The following CTBP2 variants were observed in gnomAD, a reference collection of about 807,000 sequenced individuals.
CTBP2 encodes C-terminal-binding protein 2.
CTBP2 carries 30 observed loss-of-function variants against 80.3 expected under a neutral mutation model. The ratio of observed to expected loss-of-function variants is 0.37; its 90% CI spans 0.28 to 0.51. The LOEUF (loss-of-function observed/expected upper bound fraction) is 0.51. Among genes scored for constraint, CTBP2 ranks in the 20% least tolerant of loss-of-function variants. CTBP2 has a pLI of 0.93. For missense variants in CTBP2, 1,212 were observed against 1,375.3 expected (o/e 0.88, Z 1.88); for synonymous variants, 594 against 587.4 (o/e 1.01, Z -0.16).
intron 2 of CTBP2, among the ~76,000 whole-genome samples, chr10:125,098,708 C>CAGAGAGACAG (rs1850045103): frequency 1.5e-5 from 1 of 65,698 alleles, no homozygotes; most frequent in African/African-American, 7.0e-5. Flanking sequence ...GAGAGAGAGA[C>CAGAGAGACAG]AGAGAGAGAG....
chr10:125,051,495 C>A (rs564514876), intron 2 of CTBP2, among the ~76,000 whole-genome samples: 1 of 152,150 alleles, frequency 6.6e-6, no homozygotes, highest in South Asian at 2.1e-4. Flanking sequence ...CAAAAATTAG[C>A]CAGGTGTGGT....
intron 1 of CTBP2, among the ~76,000 whole-genome samples, chr10:125,159,402 C>CG (rs1033064456): frequency 2.3e-4 from 33 of 144,602 alleles, no homozygotes; most frequent in African/African-American, 7.7e-4. Flanking sequence ...AGGAAATGCC[C>CG]GGCCCGCCCG....
At position 125,026,132 on chromosome 10, in the gene CTBP2, C is replaced by A. The variant is rs373653230; in HGVS notation, c.1628G>T (p.Arg543Leu). Residue 543 changes from arginine to leucine, a missense_variant, in exon 1 of 9, where the codon CGG becomes CTG. Physicochemically the swap from Arg to Leu is moderately radical, Grantham distance 102 (BLOSUM62 -2). Coordinates refer to ENST00000309035, the MANE Select transcript of CTBP2 (RefSeq NM_022802.3). ...CACGATGATGGGTGCCCCTGTGCGC[C>A]GGGCCACCTTCTGGTACGGTGAGTG... 6.3e-7 allele frequency: 1 copy of A among 1,596,604 alleles called. No individual in the cohort carries two copies. The highest frequency in any genetic ancestry group is 1.7e-5 in the Admixed American group (1 of 59,396).
At chr10:125,061,754 G>A (rs1235017794) in intron 2 of CTBP2, among the ~76,000 whole-genome samples, 1 of 152,166 alleles carries the variant, frequency 6.6e-6, no homozygotes, top group African/African-American at 2.4e-5. Context: ...ATGCACCTCG[G>A]TGAGGTGCCA....
intron 2 of CTBP2, among the ~76,000 whole-genome samples, chr10:125,039,643 G>A (rs1959190154): frequency 6.6e-6 from 1 of 152,202 alleles, no homozygotes; most frequent in African/African-American, 2.4e-5. Context: ...GCAGGGGTCA[G>A]GGGTCAAAGC....
chr10:125,127,602 T>A (rs1396902317), intron 1 of CTBP2, among the ~76,000 whole-genome samples: 1 of 152,078 alleles, frequency 6.6e-6, no homozygotes, highest in Non-Finnish European at 1.5e-5. Context: ...CCTCTAAACA[T>A]CCCTCCATGT....
At chr10:125,143,353 C>T (rs191057276) in intron 1 of CTBP2, among the ~76,000 whole-genome samples, 1 of 152,250 alleles carries the variant, frequency 6.6e-6, no homozygotes, top group East Asian at 1.9e-4. Flanking sequence ...GCTGGGAGTG[C>T]TGTAATCCCA....
chr10:125,010,242 A>AG lies in CTBP2; in HGVS notation c.1679-6751dup, dbSNP rs1254176889. On this transcript the variant is annotated intron_variant, in intron 1 of 8. Coordinates refer to ENST00000309035, the MANE Select transcript of CTBP2 (RefSeq NM_022802.3). Reference sequence around the variant, plus strand: ...GTTAAAAAAAAAAAAAAAAAAAAAAAGCAACTGCTATTGGAAATCTCAGCT... The same window carrying AG: ...GTTAAAAAAAAAAAAAAAAAAAAAAAGGCAACTGCTATTGGAAATCTCAGCT... Among the ~76,000 whole-genome samples the AG allele has an allele frequency of 5.4e-5, 8 of 148,494 alleles. No homozygotes were observed. The East Asian group carries it at 1.6e-3, about 29-fold the overall frequency.
Position 125,027,978 on chromosome 10 carries a change from C to T in CTBP2, c.-219G>A. The stretch of plus-strand genomic sequence containing the variant: ...CTCACGGTAACTTTGCCTCACTCCC[C>T]AACGATAGCCAGAGAGGTCTGTTCC... On this transcript the variant is annotated 5_prime_UTR_variant, in exon 1 of 9. Transcript: ENST00000309035. 1 of 1,317,862 alleles carries T rather than the reference C, an allele frequency of 7.6e-7. No individual in the cohort carries two copies. Among genetic ancestry groups the T allele is most frequent in the Non-Finnish European group, 9.9e-7 (1 of 1,014,752 alleles). 81.6% of individuals were successfully genotyped at this position (1,317,862 alleles called of 1,614,324 possible). A position where few individuals can be genotyped will look rare whatever the true frequency, so the allele number is the denominator to read the frequency against.
chr10:125,118,870 T>C (rs921291274), intron 1 of CTBP2, among the ~76,000 whole-genome samples: 1 of 152,210 alleles, frequency 6.6e-6, no homozygotes, highest in African/African-American at 2.4e-5. Context: ...GTCTCTAGTC[T>C]TCCATGGTTC....
At chr10:125,082,589 C>CTTTTTT (rs71486514) in intron 2 of CTBP2, among the ~76,000 whole-genome samples, 2 of 131,066 alleles carry the variant, frequency 1.5e-5, no homozygotes, top group South Asian at 2.4e-4. Flanking sequence ...CAGCTTTCCT[C>CTTTTTT]TTTTTTTTTT....
chr10:125,113,635 G>A (rs1852677652), intron 1 of CTBP2, among the ~76,000 whole-genome samples: 2 of 152,182 alleles, frequency 1.3e-5, no homozygotes, highest in African/African-American at 4.8e-5. Context: ...AACTGGGGAG[G>A]TGCACCTTAG....
chr10:124,992,209 C>CTTTTTTTTTTTTTTT, intron 8 of CTBP2, among the ~76,000 whole-genome samples: 1 of 102,496 alleles, frequency 9.8e-6, no homozygotes, highest in Non-Finnish European at 1.8e-5. Context: ...TTGAGAAGCC[C>CTTTTTTTTTTTTTTT]TTTTTTTTTT....
chr10:124,992,476 A>C (rs150907451), intron 8 of CTBP2, among the ~76,000 whole-genome samples: 1 of 152,122 alleles, frequency 6.6e-6, no homozygotes, highest in East Asian at 1.9e-4. Flanking sequence ...CATCTGACCG[A>C]ACACACCCCC....
At chr10:125,128,907 T>C (rs1855699732) in intron 1 of CTBP2, among the ~76,000 whole-genome samples, 1 of 152,186 alleles carries the variant, frequency 6.6e-6, no homozygotes, top group South Asian at 2.1e-4. Context: ...AAGTGTCCAT[T>C]AATGGGTGAG....
chr10:125,005,834 T>C, intron 1 of CTBP2: 4 of 1,596,060 alleles, frequency 2.5e-6, no homozygotes, highest in Non-Finnish European at 3.4e-6. Context: ...CCACACACAG[T>C]GAGGAACACC....
Position 125,027,771 on chromosome 10 carries a change from T to A in CTBP2, c.-12A>T, listed in dbSNP as rs557015525. 1 of 1,548,608 alleles carries A rather than the reference T, an allele frequency of 6.5e-7. No homozygotes were observed. The highest frequency in any genetic ancestry group is 1.4e-5 in the African/African-American group (1 of 73,234). ...CTGGGAACTGGCATTGGAAAAAAAA[T>A]GACTGCGGATGAGGCAGAGGAGAAG... On this transcript the variant is annotated 5_prime_UTR_variant, in exon 1 of 9. Transcript: ENST00000309035.
intron 1 of CTBP2, among the ~76,000 whole-genome samples, chr10:125,125,388 T>C (rs1855060397): frequency 6.6e-6 from 1 of 152,200 alleles, no homozygotes; most frequent in Non-Finnish European, 1.5e-5. Flanking sequence ...TTCAGCCCTC[T>C]TCTCAACTTT....
chr10:125,076,956 A>G (rs747285166), intron 2 of CTBP2, among the ~76,000 whole-genome samples: 1 of 152,200 alleles, frequency 6.6e-6, no homozygotes, highest in Non-Finnish European at 1.5e-5. Flanking sequence ...ATTAATTACA[A>G]TAACAAGAAA....
Sources: allele counts gnomAD v4.1 joint callset (sites outside exome capture counted in the v4.1 genomes callset), GRCh38; gene constraint gnomAD v4.1.1; transcripts MANE v1.5; gene names NCBI Gene and HGNC (gene_info 2026-07-23, HGNC 2026-07-21).